The following KDM8 variants were observed in gnomAD, a reference collection of about 807,000 sequenced individuals.
The protein encoded by KDM8 is lysine demethylase 8.
Under a neutral mutation model 46.9 loss-of-function variants are expected in KDM8, and 35 were observed. The ratio of observed to expected loss-of-function variants is 0.75; its 90% CI spans 0.57 to 0.99. The LOEUF (loss-of-function observed/expected upper bound fraction) is 0.99. Among genes scored for constraint, KDM8 ranks in the 50% least tolerant of loss-of-function variants. The pLI, the probability that KDM8 is intolerant of heterozygous loss-of-function variation, is 0.00. For missense variants in KDM8, 475 were observed against 537.0 expected, an observed-to-expected ratio of 0.88 and a Z score of 1.14; for synonymous variants, 232 against 227.7, an observed-to-expected ratio of 1.02 and a Z score of -0.17.
intron 5 of KDM8, among the ~76,000 whole-genome samples, chr16:27,216,787 C>T (rs1000315616): frequency 1.2e-4 from 18 of 152,060 alleles, no homozygotes; most frequent in African/African-American, 4.4e-4. Context: ...ATGTCACTTG[C>T]TAAGTGAAGG....
Position 27,210,305 on chromosome 16 carries a change from G to A in KDM8, c.182G>A (p.Arg61Lys), listed in dbSNP as rs761994027. Residue 61 changes from arginine (R) to lysine (K), a missense_variant, in exon 2 of 8, where the codon AGG (arginine) becomes AAG (lysine). By Grantham distance (26) the Arg-to-Lys change is conservative. Transcript: ENST00000286096. The part of the protein sequence containing the change: ...RATELFYEGR[R>K]DECLQSSEVI... ...ACTGAGCTCTTCTACGAGGGCAGGA[G>A]GGACGAGTGTCTGCAGAGCAGCGAG... 6.2e-7 allele frequency: 1 copy of A among 1,613,310 alleles called. No individual in the cohort carries two copies. The highest frequency in any genetic ancestry group is 2.2e-5 in the East Asian group (1 of 44,886).
intron 4 of KDM8, among the ~76,000 whole-genome samples, chr16:27,215,425 TA>T (rs1220958329): frequency 6.6e-6 from 1 of 151,988 alleles, no homozygotes. Context: ...ATAAAAAATA[TA>T]AAAATTAGCT....
At chr16:27,208,106 A>G (rs1449345892) in intron 1 of KDM8, among the ~76,000 whole-genome samples, 1 of 152,280 alleles carries the variant, frequency 6.6e-6, no homozygotes, top group Non-Finnish European at 1.5e-5. Flanking sequence ...TCATGTGGCC[A>G]AGAGCAGATA....
At chr16:27,217,342 C>T (rs534122726) in intron 5 of KDM8, among the ~76,000 whole-genome samples, 3 of 152,306 alleles carry the variant, frequency 2.0e-5, no homozygotes, top group South Asian at 2.1e-4. Flanking sequence ...TGATTCCCTT[C>T]GGGTCTCTGC....
chr16:27,208,245 A>G (rs1036568903), intron 1 of KDM8, among the ~76,000 whole-genome samples: 2 of 152,226 alleles, frequency 1.3e-5, no homozygotes, highest in South Asian at 2.1e-4. Context: ...AAGACCAAAC[A>G]TGAGGCCACC....
intron 1 of KDM8, chr16:27,203,879 T>G: frequency 2.2e-6 from 1 of 464,688 alleles, no homozygotes. Context: ...CGTATGCTCG[T>G]CTCTTGGCAG....
chr16:27,213,832 C>T, intron 3 of KDM8, 81 bp downstream of exon 3: 2 of 1,435,414 alleles, frequency 1.4e-6, no homozygotes, highest in South Asian at 1.3e-5. Context: ...CCCGACCATC[C>T]CCAGGGAAAT....
At chr16:27,209,851 A>C (rs1044632240) in intron 1 of KDM8, among the ~76,000 whole-genome samples, 2 of 152,176 alleles carry the variant, frequency 1.3e-5, no homozygotes, top group Non-Finnish European at 2.9e-5. Flanking sequence ...AGATGAGGAC[A>C]ATACACGTTC....
chr16:27,218,308 A>T (rs1300231479), intron 5 of KDM8, among the ~76,000 whole-genome samples: 2 of 152,056 alleles, frequency 1.3e-5, no homozygotes, highest in Non-Finnish European at 2.9e-5. Context: ...TAAATAAATA[A>T]AGGAGGCCAG....
At chr16:27,216,514 C>T (rs2083555804) in intron 5 of KDM8, among the ~76,000 whole-genome samples, 1 of 152,156 alleles carries the variant, frequency 6.6e-6, no homozygotes, top group South Asian at 2.1e-4. Context: ...GTGTCCCGAA[C>T]GTGGAAGACT....
At chr16:27,218,702 T>C (rs1031442835) in intron 5 of KDM8, among the ~76,000 whole-genome samples, 1 of 151,972 alleles carries the variant, frequency 6.6e-6, no homozygotes, top group African/African-American at 2.4e-5. Flanking sequence ...AAAAAAAAAT[T>C]AGCCGGGTGT....
At position 27,221,081 on chromosome 16, in the gene KDM8, T is replaced by C. The variant is rs977703493; in HGVS notation, c.*351T>C. On this transcript the variant is annotated 3_prime_UTR_variant, in exon 8 of 8. Transcript: ENST00000286096. ...CAGGGGTGAAACATGGGCTCTGAGG[T>C]TGGCTACCTGATTCAAACCCGGCCG... 2.7e-6 allele frequency: 1 copy of C among 374,750 alleles called. No homozygotes were observed. 23.2% of individuals were successfully genotyped at this position (374,750 alleles called of 1,614,324 possible). A position where few individuals can be genotyped will look rare whatever the true frequency, so the allele number is the denominator to read the frequency against.
Position 27,210,424 on chromosome 16 carries a change from C to T in KDM8, c.301C>T (p.Leu101=), listed in dbSNP as rs554068429. The change falls in exon 2 of 8, where the codon CTG becomes TTG. Residue 101 remains leucine (L), a synonymous_variant. Coordinates refer to ENST00000286096, the MANE Select transcript of KDM8 (RefSeq NM_024773.3). The stretch of plus-strand genomic sequence containing the variant: ...CCGGGTCTACGCCATCGGCTGCCTC[C>T]TGAAAGCCCTGTGTCTGTGCCAGGC... The part of the protein sequence containing the change: ...WRRVYAIGCL[L]KALCLCQAPE... 1 of 1,606,136 alleles carries T rather than the reference C, an allele frequency of 6.2e-7. No individual in the cohort carries two copies. Among genetic ancestry groups the T allele is most frequent in the African/African-American group, 1.3e-5 (1 of 74,930 alleles).
At chr16:27,211,589 T>C (rs2083485390) in intron 2 of KDM8, 1 of 154,118 alleles carries the variant, frequency 6.5e-6, no homozygotes, top group Non-Finnish European at 1.4e-5. Context: ...ACTAAGACTG[T>C]ACTAGACACT....
rs556979578 is a variant in KDM8 at position 27,207,007 on chromosome 16, T to C, written c.-31-3086T>C. Among the ~76,000 whole-genome samples the C allele has an allele frequency of 1.1e-4, 17 of 152,354 alleles. 1 individual carries two copies. In the South Asian group the frequency reaches 1.2e-3, roughly 11 times the overall value. On this transcript the variant is annotated intron_variant, in intron 1 of 7. Transcript: ENST00000286096. ...TAGATGGACACAACAAACAATTCTT[T>C]CCTGGCACAATGAAGAAACCACAGA...
rs2031772377 is a variant in KDM8 at position 27,220,393 on chromosome 16, G to A, written c.994G>A (p.Val332Met). Residue 332 changes from valine (V) to methionine (M), a missense_variant and splice_region_variant, in exon 7 of 8, where the codon GTG becomes ATG. Physicochemically the swap from Val to Met is conservative, Grantham distance 21. Coordinates refer to ENST00000286096, the MANE Select transcript of KDM8 (RefSeq NM_024773.3). ...TGACTGTCAGGGTCTCTCTCCCCAG[G>A]TGATGGGGAGGAAGTACATCCGGCT... ...QDPQQNFLVQ[V>M]MGRKYIRLYS... The A allele has an allele frequency of 2.5e-6, 4 of 1,611,494 alleles. No homozygotes were observed. Among genetic ancestry groups the A allele is most frequent in the Non-Finnish European group, 3.4e-6 (4 of 1,177,614 alleles).
chr16:27,210,611 C>A lies in KDM8; in HGVS notation c.488C>A (p.Pro163His), dbSNP rs746102857. 6.6e-7 allele frequency: 1 copy of A among 1,512,932 alleles called. No individual in the cohort carries two copies. The highest frequency in any genetic ancestry group is 1.4e-5 in the African/African-American group (1 of 71,614). 93.7% of individuals were successfully genotyped at this position (1,512,932 alleles called of 1,614,324 possible). ...GCCCGTGGCTCCCTCCCAGAGCAAC[C>A]CTGCACAAAGGTATGTGGGGGAGAT... is the stretch of plus-strand genomic sequence containing the variant. ...RPARGSLPEQ[P>H]CTKKARADHG... The change falls in exon 2 of 8, where the codon CCC becomes CAC. Residue 163 changes from proline (P) to histidine (H), a missense_variant. Pro to His is a moderately conservative substitution (Grantham distance 77, BLOSUM62 -2). Transcript: ENST00000286096.
At chr16:27,204,041 G>C (rs889960563) in intron 1 of KDM8, 1 of 1,492,476 alleles carries the variant, frequency 6.7e-7, no homozygotes, top group Non-Finnish European at 9.1e-7. Flanking sequence ...ACCAGCCGCT[G>C]CCCCTGGGCC....
chr16:27,203,947 G>A, intron 1 of KDM8: 1 of 608,086 alleles, frequency 1.6e-6, no homozygotes, highest in Non-Finnish European at 2.8e-6. Context: ...CGCTTTAGCG[G>A]TTCTTGGCGT....
Sources: gnomAD v4.1 joint callset for allele counts (sites outside exome capture counted in the v4.1 genomes callset) on GRCh38, gnomAD v4.1.1 for gene constraint, MANE v1.5 for transcripts, NCBI Gene and HGNC (gene_info 2026-07-23, HGNC 2026-07-21) for gene names.